The following YDJC variants were observed in gnomAD, a reference collection of about 807,000 sequenced individuals.
YDJC encodes carbohydrate deacetylase.
In YDJC, 23 loss-of-function variants were observed where a neutral mutation model predicts 18.9. The observed-to-expected ratio is 1.22, with a 90% confidence interval of 0.87 to 1.72. The LOEUF (loss-of-function observed/expected upper bound fraction) is 1.72, where lower values mean the gene tolerates loss of function less well. YDJC is among the 40% of genes most tolerant of loss of function. The probability of loss-of-function intolerance (pLI) is 0.00; values close to 1 mark genes in which losing one functional copy is unlikely to be tolerated. For synonymous variants in YDJC, 224 were observed against 217.6 expected (o/e 1.03, Z -0.26); for missense variants, 467 against 470.8 (o/e 0.99, Z 0.07).
Position 21,629,740 on chromosome 22 carries a change from G to A in YDJC, c.186C>T (p.Leu62=), listed in dbSNP as rs757765684. ...GGCGGCCCTCGGACAGGTTGGCGTG[G>A]AGGCCCGTGGGGATGCTGTGCCTGA... ...LARRHSIPTG[L]HANLSEGRPV... Residue 62 remains leucine (L), a synonymous_variant, in exon 2 of 5, where the codon CTC becomes CTT. Transcript: ENST00000292778. 2.8e-5 allele frequency: 43 copies of A among 1,536,326 alleles called. No homozygotes were observed. Among genetic ancestry groups the A allele is most frequent in the Non-Finnish European group, 3.5e-5 (40 of 1,143,728 alleles).
At position 21,628,571 on chromosome 22, in the gene YDJC, C is replaced by T; in HGVS notation, c.819G>A (p.Glu273=). 6.2e-7 allele frequency: 1 copy of T among 1,609,218 alleles called. No homozygotes were observed. The highest frequency in any genetic ancestry group is 8.5e-7 in the Non-Finnish European group (1 of 1,177,582). ...AFSCSWERLH[E]LRVLTAPTLR... ...GCGTGGGCGCGGTGAGGACGCGCAG[C>T]TCATGCAGCCGCTCCCAAGAGCAAG... Residue 273 remains glutamate, a synonymous_variant, in exon 5 of 5, where the codon GAG becomes GAA. Coordinates refer to ENST00000292778, the MANE Select transcript of YDJC (RefSeq NM_001017964.2).
intron 2 of YDJC, 70 bp from the exon 3 acceptor site, chr22:21,629,477 G>A (rs3747091): frequency 0.013 from 19,892 of 1,543,698 alleles, 962 homozygotes; most frequent in South Asian, 0.11. Flanking sequence ...TCGTGCTTCC[G>A]TGTGATGGCT....
rs1369092924 is a variant in YDJC, at chr22:21,628,788, C to A, written c.603-1G>T. On this transcript the variant is annotated splice_acceptor_variant, in intron 4 of 4. Coordinates refer to ENST00000292778, the MANE Select transcript of YDJC (RefSeq NM_001017964.2). LOFTEE classifies it high-confidence loss of function. ...CAGGCCCACGAAGGCGTCTGTCCAC[C>A]TGTGGGGGGCGGGACATCAGAGGTG... is the stretch of plus-strand genomic sequence containing the variant. 7.0e-7 allele frequency: 1 copy of A among 1,424,636 alleles called. No homozygotes were observed. The highest frequency in any genetic ancestry group is 1.3e-5 in the South Asian group (1 of 74,894). 88.2% of individuals were successfully genotyped at this position (1,424,636 alleles called of 1,614,324 possible).
intron 3 of YDJC, 58 bp from the exon 4 acceptor site, chr22:21,629,245 C>A (rs1189730191): frequency 6.5e-7 from 1 of 1,549,792 alleles, no homozygotes; most frequent in South Asian, 1.2e-5. Context: ...CATCGAACTT[C>A]CCCTACTCCC....
chr22:21,628,306 A>G lies in YDJC; in HGVS notation c.*112T>C. 1 of 1,396,082 alleles carries G rather than the reference A, an allele frequency of 7.2e-7. No individual in the cohort carries two copies. Among genetic ancestry groups the G allele is most frequent in the Non-Finnish European group, 9.5e-7 (1 of 1,052,196 alleles). The allele number at this position is 1,396,082 out of a possible 1,614,324, so 86.5% of individuals were successfully genotyped here. A position where few individuals can be genotyped will look rare whatever the true frequency, so the allele number is the denominator to read the frequency against. ...GCCCAGAGGTGGCAGTGTCCTACCCAGGGAAGTCAACAGATCGTGCTCCAG... is the reference window on the plus strand; with the variant it reads ...GCCCAGAGGTGGCAGTGTCCTACCCGGGGAAGTCAACAGATCGTGCTCCAG... On this transcript the variant is annotated 3_prime_UTR_variant, in exon 5 of 5. Transcript: ENST00000292778.
Position 21,629,597 on chromosome 22 carries a change from C to T in YDJC, c.324+5G>A, listed in dbSNP as rs1039108616. The T allele has an allele frequency of 2.5e-6, 4 of 1,612,492 alleles. 1 individual carries two copies. The Admixed American group carries it at 5.0e-5, about 20-fold the overall frequency. Reference sequence around the variant, plus strand: ...GAGCATCCTCCTGTAGCTGCGGCTCCGCACCTGAGGCAAATCCACGTCTCC... The same window carrying T: ...GAGCATCCTCCTGTAGCTGCGGCTCTGCACCTGAGGCAAATCCACGTCTCC... On this transcript the variant is annotated splice_donor_5th_base_variant and intron_variant, in intron 2 of 4. Coordinates refer to ENST00000292778, the MANE Select transcript of YDJC (RefSeq NM_001017964.2).
At position 21,628,374 on chromosome 22, in the gene YDJC, T is replaced by G; in HGVS notation, c.*44A>C. On this transcript the variant is annotated 3_prime_UTR_variant, in exon 5 of 5. Transcript: ENST00000292778. ...GGCCAGGACTAAATCCTGGCTCCCC[T>G]TTCTTGGTACTAAGGGGATTAGTGC... The G allele has an allele frequency of 6.8e-7, 1 of 1,478,630 alleles. No homozygotes were observed. The highest frequency in any genetic ancestry group is 9.0e-7 in the Non-Finnish European group (1 of 1,109,428). 91.6% of individuals were successfully genotyped at this position (1,478,630 alleles called of 1,614,324 possible).
In YDJC at chr22:21,628,263, G is replaced by T; in HGVS notation, c.*155C>A. ...GCTGCTCAAACTCTAGATGCCATTT[G>T]GAGGCATGAGGACCTGAGCCCAGAG... On this transcript the variant is annotated 3_prime_UTR_variant, in exon 5 of 5. Coordinates refer to ENST00000292778, the MANE Select transcript of YDJC (RefSeq NM_001017964.2). The T allele has an allele frequency of 1.9e-6, 2 of 1,064,602 alleles. No homozygotes were observed. Among genetic ancestry groups the T allele is most frequent in the Non-Finnish European group, 2.6e-6 (2 of 783,128 alleles). 65.9% of individuals were successfully genotyped at this position (1,064,602 alleles called of 1,614,324 possible).
At chr22:21,628,828 C>G (rs1265960655) in intron 4 of YDJC, 41 bp from the exon 5 acceptor site, 1 of 1,378,744 alleles carries the variant, frequency 7.3e-7, no homozygotes, top group East Asian at 2.9e-5. Context: ...CAGGCCGGGC[C>G]ATGGCCAAGG....
In YDJC at chr22:21,630,008, G is replaced by A. The variant is rs1330147603; in HGVS notation, c.7C>T (p.Arg3Cys). The change falls in exon 1 of 5, where the codon CGC becomes TGC. Residue 3 changes from arginine (R) to cysteine (C), a missense_variant. By Grantham distance (180) the Arg-to-Cys change is radical. Coordinates refer to ENST00000292778, the MANE Select transcript of YDJC (RefSeq NM_001017964.2). MSRPRMRLVVTAD... is the reference protein window; with the variant it reads MSCPRMRLVVTAD... ...GTGACCACCAGGCGCATGCGAGGGC[G>A]GGACATGGCCGCCTGGGTCCACCGC... The A allele has an allele frequency of 3.8e-6, 6 of 1,594,824 alleles. No individual in the cohort carries two copies. Among genetic ancestry groups the A allele is most frequent in the Admixed American group, 3.4e-5 (2 of 59,216 alleles).
chr22:21,629,261 C>T, intron 3 of YDJC, 47 bp downstream of exon 3: 1 of 1,550,170 alleles, frequency 6.5e-7, no homozygotes, highest in Non-Finnish European at 8.7e-7. Flanking sequence ...CTCCCCCAGC[C>T]CCGCCTGGGA....
Position 21,629,738 on chromosome 22 carries a change from T to C in YDJC, c.188A>G (p.His63Arg). The change falls in exon 2 of 5, where the codon CAC becomes CGC. Residue 63 changes from histidine to arginine, a missense_variant. Transcript: ENST00000292778. ...ARRHSIPTGLHANLSEGRPVG... is the reference protein window; with the variant it reads ...ARRHSIPTGLRANLSEGRPVG... ...GGGGCGGCCCTCGGACAGGTTGGCG[T>C]GGAGGCCCGTGGGGATGCTGTGCCT... 1 of 1,536,650 alleles carries C rather than the reference T, an allele frequency of 6.5e-7. No homozygotes were observed. Among genetic ancestry groups the C allele is most frequent in the Admixed American group, 2.0e-5 (1 of 49,114 alleles).
rs1003692173 is a variant in YDJC, at chr22:21,628,365, T to C, written c.*53A>G. 4.7e-6 allele frequency: 7 copies of C among 1,479,904 alleles called. No homozygotes were observed. The South Asian group carries it at 8.5e-5, about 18-fold the overall frequency. 91.7% of individuals were successfully genotyped at this position (1,479,904 alleles called of 1,614,324 possible). A position where few individuals can be genotyped will look rare whatever the true frequency, so the allele number is the denominator to read the frequency against. On this transcript the variant is annotated 3_prime_UTR_variant, in exon 5 of 5. Transcript: ENST00000292778. ...TCTGGGCTGGGCCAGGACTAAATCC[T>C]GGCTCCCCTTTCTTGGTACTAAGGG...
intron 2 of YDJC, 81 bp from the exon 3 acceptor site, chr22:21,629,488 CCA>C (rs1399494227): frequency 1.3e-5 from 20 of 1,557,150 alleles, no homozygotes; most frequent in Non-Finnish European, 1.7e-5. Flanking sequence ...TGTGATGGCT[CCA>C]GTGTTTGAAT....
Position 21,628,323 on chromosome 22 carries a change from G to T in YDJC, c.*95C>A. On this transcript the variant is annotated 3_prime_UTR_variant, in exon 5 of 5. Coordinates refer to ENST00000292778, the MANE Select transcript of YDJC (RefSeq NM_001017964.2). The stretch of plus-strand genomic sequence containing the variant: ...TCCTACCCAGGGAAGTCAACAGATC[G>T]TGCTCCAGGTCCCAGCTCTGGGCTG... 1 of 1,439,088 alleles carries T rather than the reference G, an allele frequency of 6.9e-7. No individual in the cohort carries two copies. Among genetic ancestry groups the T allele is most frequent in the Non-Finnish European group, 9.2e-7 (1 of 1,085,682 alleles). 89.1% of individuals were successfully genotyped at this position (1,439,088 alleles called of 1,614,324 possible).
Position 21,628,508 on chromosome 22 carries a change from G to A in YDJC, c.882C>T (p.Cys294=), listed in dbSNP as rs770521987. Residue 294 remains cysteine (C), a synonymous_variant, in exon 5 of 5, where the codon TGC becomes TGT. Transcript: ENST00000292778. ...AQLAQDGVQL[C]ALDDLDSKRP... is the part of the protein sequence containing the mutation. Reference sequence around the variant, plus strand: ...TCTTGGAGTCCAGGTCGTCGAGGGCGCAAAGCTGCACGCCATCCTGGGCAA... The same window carrying A: ...TCTTGGAGTCCAGGTCGTCGAGGGCACAAAGCTGCACGCCATCCTGGGCAA... The A allele has an allele frequency of 6.2e-7, 1 of 1,611,896 alleles. No homozygotes were observed. Among genetic ancestry groups the A allele is most frequent in the Non-Finnish European group, 8.5e-7 (1 of 1,178,744 alleles).
Position 21,630,007 on chromosome 22 carries a change from C to T in YDJC, c.8G>A (p.Arg3His), listed in dbSNP as rs544885397. The part of the protein sequence containing the change: MS[R>H]PRMRLVVTAD... The stretch of plus-strand genomic sequence containing the variant: ...GGTGACCACCAGGCGCATGCGAGGG[C>T]GGGACATGGCCGCCTGGGTCCACCG... Residue 3 changes from arginine (R) to histidine (H), a missense_variant, in exon 1 of 5, where the codon CGC becomes CAC. Arg to His is a conservative substitution (Grantham distance 29). Coordinates refer to ENST00000292778, the MANE Select transcript of YDJC (RefSeq NM_001017964.2). 29 of 1,594,824 alleles carry T rather than the reference C, an allele frequency of 1.8e-5. No homozygotes were observed. The Admixed American group carries it at 2.9e-4, about 16-fold the overall frequency.
Position 21,629,743 on chromosome 22 carries a change from G to T in YDJC, c.183C>A (p.Gly61=), listed in dbSNP as rs750735693. ...ELARRHSIPT[G]LHANLSEGRP... Reference sequence around the variant, plus strand: ...GGCCCTCGGACAGGTTGGCGTGGAGGCCCGTGGGGATGCTGTGCCTGAGGG... The same window carrying T: ...GGCCCTCGGACAGGTTGGCGTGGAGTCCCGTGGGGATGCTGTGCCTGAGGG... The change falls in exon 2 of 5, where the codon GGC becomes GGA. Residue 61 remains glycine, a synonymous_variant. Coordinates refer to ENST00000292778, the MANE Select transcript of YDJC (RefSeq NM_001017964.2). 6.5e-6 allele frequency: 10 copies of T among 1,532,774 alleles called. 1 individual carries two copies. The South Asian group carries it at 1.2e-4, about 18-fold the overall frequency. The allele number at this position is 1,532,774 out of a possible 1,614,324, so 94.9% of individuals were successfully genotyped here. A position where few individuals can be genotyped will look rare whatever the true frequency, so the allele number is the denominator to read the frequency against.
rs758550600 is a variant in YDJC at position 21,628,428 on chromosome 22, G to A, written c.962C>T (p.Ser321Phe). 6.4e-7 allele frequency: 1 copy of A among 1,553,498 alleles called. No homozygotes were observed. Among genetic ancestry groups the A allele is most frequent in the Non-Finnish European group, 8.7e-7 (1 of 1,146,186 alleles). Residue 321 changes from serine (S) to phenylalanine (F), a missense_variant, in exon 5 of 5, where the codon TCC (serine) becomes TTC (phenylalanine). Physicochemically the swap from Ser to Phe is radical, Grantham distance 155 (BLOSUM62 -2). Transcript: ENST00000292778. ...EPTLEPFLEP[S>F]LL The stretch of plus-strand genomic sequence containing the variant: ...GTTGTCTGTAGGGGGTCAGAGTAGG[G>A]AGGGTTCCAGGAAGGGTTCCAGAGT...
Sources: gnomAD v4.1 joint callset for allele counts on GRCh38, gnomAD v4.1.1 for gene constraint, MANE v1.5 for transcripts, NCBI Gene and HGNC (gene_info 2026-07-23, HGNC 2026-07-21) for gene names.